The following TRIO variants were observed in gnomAD, a reference collection of about 807,000 sequenced individuals.
The protein encoded by TRIO is trio Rho guanine nucleotide exchange factor, also known as triple functional domain protein.
Under a neutral mutation model 351.9 loss-of-function variants are expected in TRIO, and 58 were observed. The observed-to-expected ratio is 0.16, with a 90% CI of 0.13 to 0.21. The LOEUF (loss-of-function observed/expected upper bound fraction) is 0.21. Ranked by LOEUF, TRIO falls within the 10% of genes least tolerant of loss-of-function variation. TRIO has a pLI of 1.00. For missense variants in TRIO, 3,201 were observed against 4,027.8 expected, an observed-to-expected ratio of 0.79 and a Z score of 5.56; for synonymous variants, 1,758 against 1,595.7, an observed-to-expected ratio of 1.10 and a Z score of -2.42.
In TRIO at chr5:14,497,702, C is replaced by T. The variant is rs1005708558; in HGVS notation, c.8020-145C>T. 1.1e-5 allele frequency: 11 copies of T among 989,772 alleles called. No homozygotes were observed. In the Admixed American group the frequency reaches 2.2e-4, roughly 20 times the overall value. 61.3% of individuals were successfully genotyped at this position (989,772 alleles called of 1,614,324 possible). On this transcript the variant is annotated intron_variant, in intron 50 of 56. Transcript: ENST00000344204. The surrounding 1 kb of genome is among the most constrained non-coding windows in gnomAD (Gnocchi z 4.4). ...TAGTGTGACATGAAACTTTTGAGTG[C>T]AGTGAAAATGTGGTCTGTTTTGATT...
Position 14,291,236 on chromosome 5 carries a change from C to A in TRIO, c.1053+8C>A, listed in dbSNP as rs754111457. ...GAACAGGATGCTGAGAAGGTAAAGA[C>A]GGGGGAGGCTAATGCCTCAGTGGAC... On this transcript the variant is annotated splice_region_variant and intron_variant, in intron 5 of 56. Transcript: ENST00000344204. 3.1e-6 allele frequency: 5 copies of A among 1,607,666 alleles called. No individual in the cohort carries two copies. In the African/African-American group the frequency reaches 4.0e-5, roughly 13 times the overall value.
At chr5:14,399,288 CTCT>C (rs1471845296) in intron 30 of TRIO, 7 of 547,642 alleles carry the variant, frequency 1.3e-5, no homozygotes, top group Non-Finnish European at 2.3e-5. Context: ...AGGAAACTTG[CTCT>C]TCTTAAATCC....
At chr5:14,175,091 C>A (rs933022499) in intron 1 of TRIO, among the ~76,000 whole-genome samples, 3 of 152,096 alleles carry the variant, frequency 2.0e-5, no homozygotes, top group African/African-American at 7.2e-5. Context: ...GGTTAAGTTT[C>A]TCTATGCACT....
chr5:14,384,556 A>T (rs1446796097), intron 21 of TRIO, among the ~76,000 whole-genome samples: 2 of 152,210 alleles, frequency 1.3e-5, no homozygotes, highest in African/African-American at 4.8e-5. Flanking sequence ...AATTTTTTTT[A>T]ATGATGTTTT....
chr5:14,282,093 C>CT (rs1561287902), intron 3 of TRIO, among the ~76,000 whole-genome samples: 1 of 152,176 alleles, frequency 6.6e-6, no homozygotes, highest in Admixed American at 6.5e-5. Flanking sequence ...TATGAGAAAA[C>CT]TATCACTGTG....
At chr5:14,297,686 G>A (rs1298092573) in intron 7 of TRIO, among the ~76,000 whole-genome samples, 2 of 152,176 alleles carry the variant, frequency 1.3e-5, no homozygotes, top group African/African-American at 4.8e-5. Flanking sequence ...GCAAGGAACG[G>A]AACGCCCATC....
intron 9 of TRIO, among the ~76,000 whole-genome samples, chr5:14,324,307 C>A (rs1384506111): frequency 6.6e-6 from 1 of 152,284 alleles, no homozygotes; most frequent in East Asian, 1.9e-4. Context: ...ATTATAGAAT[C>A]AGAGGAGCTT....
At chr5:14,378,622 C>T (rs538519800) in intron 20 of TRIO, among the ~76,000 whole-genome samples, 44 of 151,662 alleles carry the variant, frequency 2.9e-4, no homozygotes, top group Middle Eastern at 3.4e-3. Context: ...TGCAATGGCA[C>T]GGTCTCAGCT....
At chr5:14,435,837 T>C (rs1361903601) in intron 34 of TRIO, among the ~76,000 whole-genome samples, 1 of 152,216 alleles carries the variant, frequency 6.6e-6, no homozygotes. Context: ...TCTGGCACTA[T>C]AGGATGTACC....
At chr5:14,184,527 T>C (rs2152141594) in intron 1 of TRIO, among the ~76,000 whole-genome samples, 1 of 152,376 alleles carries the variant, frequency 6.6e-6, no homozygotes, top group South Asian at 2.1e-4. Context: ...TTCTTTATAT[T>C]AGCCTCTAGT....
chr5:14,193,316 C>T (rs1790563502), intron 1 of TRIO, among the ~76,000 whole-genome samples: 1 of 152,148 alleles, frequency 6.6e-6, no homozygotes, highest in African/African-American at 2.4e-5. Flanking sequence ...CCTGTGGGCA[C>T]ACATATACAG....
intron 14 of TRIO, 96 bp from the exon 15 acceptor site, chr5:14,364,554 G>T: frequency 6.9e-7 from 1 of 1,459,358 alleles, no homozygotes; most frequent in Admixed American, 2.1e-5. Flanking sequence ...CAGCTGGGCA[G>T]ATCATTCACA....
intron 11 of TRIO, among the ~76,000 whole-genome samples, chr5:14,353,428 AT>A (rs1189302579): frequency 1.3e-5 from 2 of 151,616 alleles, no homozygotes; most frequent in East Asian, 1.9e-4. Context: ...ACGCCCAGCT[AT>A]TTTTTTGTAT....
At chr5:14,422,196 C>T (rs1464331031) in intron 34 of TRIO, among the ~76,000 whole-genome samples, 1 of 152,246 alleles carries the variant, frequency 6.6e-6, no homozygotes, top group Non-Finnish European at 1.5e-5. Flanking sequence ...AGACCCCCTC[C>T]AGTATCAGAT....
chr5:14,415,508 TC>T (rs1034317894), intron 33 of TRIO, among the ~76,000 whole-genome samples: 14 of 152,120 alleles, frequency 9.2e-5, no homozygotes, highest in African/African-American at 3.4e-4. Flanking sequence ...GTGTGAGAAG[TC>T]CCCAGCCACA....
intron 1 of TRIO, among the ~76,000 whole-genome samples, chr5:14,240,544 A>G (rs926371621): frequency 2.6e-5 from 4 of 152,202 alleles, no homozygotes; most frequent in African/African-American, 9.7e-5. Flanking sequence ...CAGCATTAAA[A>G]ACATATTTGG....
At chr5:14,371,804 C>T (rs533420463) in intron 18 of TRIO, among the ~76,000 whole-genome samples, 17 of 151,952 alleles carry the variant, frequency 1.1e-4, no homozygotes, top group Admixed American at 2.0e-4. Flanking sequence ...CCACACCTGG[C>T]TAATTTTTGT....
At chr5:14,455,072 GGTGA>G (rs1157233103) in intron 34 of TRIO, among the ~76,000 whole-genome samples, 1 of 152,140 alleles carries the variant, frequency 6.6e-6, no homozygotes, top group South Asian at 2.1e-4. Flanking sequence ...AGACCTTCGC[GGTGA>G]GTGTTATAGC....
chr5:14,392,909 G>T (rs374493885), intron 27 of TRIO, among the ~76,000 whole-genome samples: 2 of 151,982 alleles, frequency 1.3e-5, no homozygotes, highest in African/African-American at 2.4e-5. Flanking sequence ...TTAGCCGAGC[G>T]TGGTGGCGGG....
Sources: gnomAD v4.1 joint callset for allele counts (sites outside exome capture counted in the v4.1 genomes callset) on GRCh38, gnomAD v4.1.1 for gene constraint, Gnocchi (gnomAD v3.1) non-coding constraint, MANE v1.5 for transcripts, NCBI Gene and HGNC (gene_info 2026-07-23, HGNC 2026-07-21) for gene names.